The following ANKRD6 variants were observed in gnomAD, a reference collection of about 807,000 sequenced individuals.
ANKRD6 encodes the protein ankyrin repeat domain-containing protein 6.
A neutral mutation model predicts 82.3 loss-of-function variants in ANKRD6; 56 were observed. The ratio of observed to expected loss-of-function variants is 0.68; its 90% CI spans 0.55 to 0.85. The LOEUF (loss-of-function observed/expected upper bound fraction) is 0.85. ANKRD6 is among the 40% of genes least tolerant of loss of function. ANKRD6 has a pLI of 0.00. For synonymous variants in ANKRD6, 347 were observed against 352.1 expected (o/e 0.99, Z 0.16); for missense variants, 852 against 907.6 (o/e 0.94, Z 0.79).
intron 1 of ANKRD6, among the ~76,000 whole-genome samples, chr6:89,501,873 G>A (rs1779307261): frequency 6.6e-6 from 1 of 151,692 alleles, no homozygotes. Context: ...GACTTGAACT[G>A]AGTGGTAGGA....
At chr6:89,486,038 A>G (rs900503511) in intron 1 of ANKRD6, among the ~76,000 whole-genome samples, 1 of 152,218 alleles carries the variant, frequency 6.6e-6, no homozygotes, top group Non-Finnish European at 1.5e-5. Flanking sequence ...ATTTTGATAC[A>G]TATCTTGCCA....
At chr6:89,467,545 G>A (rs751589395) in intron 1 of ANKRD6, among the ~76,000 whole-genome samples, 5 of 152,172 alleles carry the variant, frequency 3.3e-5, no homozygotes, top group African/African-American at 4.8e-5. Context: ...CAGGGTTTAT[G>A]CACTGTACTT....
chr6:89,503,420 G>T (rs1175296732), intron 1 of ANKRD6, among the ~76,000 whole-genome samples: 1 of 152,126 alleles, frequency 6.6e-6, no homozygotes, highest in Non-Finnish European at 1.5e-5. Context: ...AAAGCCCCTG[G>T]GCTGTAGAAG....
At chr6:89,465,518 A>G (rs1316086414) in intron 1 of ANKRD6, among the ~76,000 whole-genome samples, 2 of 152,080 alleles carry the variant, frequency 1.3e-5, no homozygotes, top group African/African-American at 4.8e-5. Context: ...CCATGACTGC[A>G]TGACCTTGGG....
intron 1 of ANKRD6, among the ~76,000 whole-genome samples, chr6:89,514,861 A>G (rs1471082433): frequency 1.3e-5 from 2 of 152,184 alleles, no homozygotes; most frequent in Admixed American, 1.3e-4. Flanking sequence ...TGTGTCAACC[A>G]TGGTGTTTCC....
chr6:89,588,479 T>A (rs960893040), intron 2 of ANKRD6, among the ~76,000 whole-genome samples: 4 of 152,186 alleles, frequency 2.6e-5, no homozygotes, highest in Admixed American at 2.6e-4. Context: ...ATGAAATGAT[T>A]ACACTAATTT....
chr6:89,552,473 C>T (rs367864326), intron 1 of ANKRD6, among the ~76,000 whole-genome samples: 2 of 152,284 alleles, frequency 1.3e-5, no homozygotes, highest in South Asian at 2.1e-4. Context: ...TGTCATGCTG[C>T]GTGCTGAGTA....
intron 1 of ANKRD6, among the ~76,000 whole-genome samples, chr6:89,533,437 C>T (rs545647459): frequency 3.3e-5 from 5 of 152,272 alleles, no homozygotes; most frequent in Admixed American, 1.3e-4. Context: ...TTGGATGCCC[C>T]ACAGTGTCCT....
intron 1 of ANKRD6, among the ~76,000 whole-genome samples, chr6:89,441,040 G>T (rs139136111): frequency 4.2e-4 from 64 of 152,180 alleles, no homozygotes; most frequent in African/African-American, 1.5e-3. Flanking sequence ...TACAAAATTA[G>T]TATAACTCAG....
chr6:89,528,460 T>A lies in ANKRD6; in HGVS notation c.-143-38374T>A, dbSNP rs1315378089. Among the ~76,000 whole-genome samples the A allele has an allele frequency of 2.6e-5, 4 of 152,350 alleles. No homozygotes were observed. The East Asian group carries it at 7.7e-4, about 29-fold the overall frequency. On this transcript the variant is annotated intron_variant, in intron 1 of 15. Transcript: ENST00000339746. ...ATTCAGTCACATCTTCAGGCTCCAC[T>A]TCTAATTCTAGTTCTCTTGCTGTTT...
chr6:89,595,541 C>T (rs904714659), intron 2 of ANKRD6, among the ~76,000 whole-genome samples: 2 of 152,128 alleles, frequency 1.3e-5, no homozygotes, highest in Non-Finnish European at 2.9e-5. Context: ...TTGCTGTTCT[C>T]CCACCTCTTG....
chr6:89,603,254 G>T, intron 4 of ANKRD6, 127 bp downstream of exon 4: 2 of 642,362 alleles, frequency 3.1e-6, no homozygotes, highest in South Asian at 2.2e-5. Context: ...TACCACTTAT[G>T]ATTTAACATG....
At chr6:89,586,773 T>C (rs1793785626) in intron 2 of ANKRD6, among the ~76,000 whole-genome samples, 1 of 152,156 alleles carries the variant, frequency 6.6e-6, no homozygotes, top group South Asian at 2.1e-4. Flanking sequence ...CAGGGACAAG[T>C]GTACTGTAGA....
Position 89,627,690 on chromosome 6 carries a change from A to T in ANKRD6, c.1479A>T (p.Lys493Asn), listed in dbSNP as rs1806176822. The T allele has an allele frequency of 1.2e-6, 2 of 1,613,600 alleles. No homozygotes were observed. The highest frequency in any genetic ancestry group is 1.7e-6 in the Non-Finnish European group (2 of 1,179,718). ...HSDTEKHEGE[K>N]RQISLVDELK... ...ACACAGAGAAGCATGAGGGGGAGAA[A>T]CGACAGGTAGGAACCAGCATCTGCT... is the stretch of plus-strand genomic sequence containing the variant. Residue 493 changes from lysine to asparagine, a missense_variant, in exon 14 of 16, where the codon AAA becomes AAT. Physicochemically the swap from Lys to Asn is moderately conservative, Grantham distance 94 (BLOSUM62 0). Transcript: ENST00000339746.
intron 1 of ANKRD6, among the ~76,000 whole-genome samples, chr6:89,492,431 TG>T (rs1404705755): frequency 6.6e-6 from 1 of 152,164 alleles, no homozygotes; most frequent in Non-Finnish European, 1.5e-5. Flanking sequence ...GGGTGAGGTT[TG>T]TTTGTTACCC....
At chr6:89,531,888 G>C (rs1783194562) in intron 1 of ANKRD6, among the ~76,000 whole-genome samples, 1 of 152,216 alleles carries the variant, frequency 6.6e-6, no homozygotes, top group Non-Finnish European at 1.5e-5. Context: ...TCTGTAGGGT[G>C]GGTTGGCATG....
chr6:89,616,930 T>C, intron 8 of ANKRD6: 2 of 595,206 alleles, frequency 3.4e-6, no homozygotes, highest in East Asian at 7.5e-5. Context: ...GATGTCCAGT[T>C]AAACTGACGA....
At chr6:89,624,324 C>T (rs1170104587) in intron 12 of ANKRD6, among the ~76,000 whole-genome samples, 1 of 152,100 alleles carries the variant, frequency 6.6e-6, no homozygotes, top group Non-Finnish European at 1.5e-5. Flanking sequence ...TATAAAAGCA[C>T]CTTGAGGAGA....
chr6:89,461,786 G>A (rs1316162819), intron 1 of ANKRD6, among the ~76,000 whole-genome samples: 1 of 152,126 alleles, frequency 6.6e-6, no homozygotes, highest in Non-Finnish European at 1.5e-5. Context: ...GAGAAATGAT[G>A]TTATTGAATC....
Sources: gnomAD v4.1 joint callset for allele counts (sites outside exome capture counted in the v4.1 genomes callset) on GRCh38, gnomAD v4.1.1 for gene constraint, MANE v1.5 for transcripts, NCBI Gene and HGNC (gene_info 2026-07-23, HGNC 2026-07-21) for gene names.